PTPRT: variants seen among roughly 807,000 people sequenced by gnomAD.
The protein encoded by PTPRT is protein tyrosine phosphatase receptor type T.
A neutral mutation model predicts 176.8 loss-of-function variants in PTPRT; 56 were observed. The observed-to-expected ratio is 0.32, with a 90% CI of 0.26 to 0.40. The LOEUF (loss-of-function observed/expected upper bound fraction) is 0.40, where lower values mean the gene tolerates loss of function less well. Ranked by LOEUF, PTPRT falls within the 10% of genes least tolerant of loss-of-function variation. The pLI, the probability that PTPRT is intolerant of heterozygous loss-of-function variation, is 1.00. For missense variants in PTPRT, 1,540 were observed against 1,908.2 expected (o/e 0.81, Z 3.60); for synonymous variants, 783 against 739.0 (o/e 1.06, Z -0.96).
chr20:42,681,817 A>T (rs1192042319), intron 6 of PTPRT, among the ~76,000 whole-genome samples: 1 of 152,240 alleles, frequency 6.6e-6, no homozygotes, highest in Non-Finnish European at 1.5e-5. Context: ...GGATCCATAA[A>T]GGGATACACA....
chr20:42,091,224 T>C (rs1308727088), intron 27 of PTPRT, among the ~76,000 whole-genome samples: 1 of 152,242 alleles, frequency 6.6e-6, no homozygotes, highest in East Asian at 1.9e-4. Context: ...TTCCACCTAG[T>C]GCTCTCCATG....
At chr20:42,765,989 C>G (rs1255911277) in intron 5 of PTPRT, among the ~76,000 whole-genome samples, 10 of 152,036 alleles carry the variant, frequency 6.6e-5, no homozygotes, top group Non-Finnish European at 1.5e-4. Flanking sequence ...TAAATTTACT[C>G]ATTGGAAAAA....
chr20:42,796,395 A>G (rs531469389), intron 2 of PTPRT, among the ~76,000 whole-genome samples: 22 of 152,350 alleles, frequency 1.4e-4, no homozygotes, highest in African/African-American at 5.3e-4. Flanking sequence ...TGGATTACTT[A>G]CCAAAGCATA....
At chr20:43,001,658 A>G (rs980386150) in intron 1 of PTPRT, among the ~76,000 whole-genome samples, 19 of 152,126 alleles carry the variant, frequency 1.2e-4, no homozygotes, top group Non-Finnish European at 2.2e-4. Flanking sequence ...AGACAAAAAT[A>G]TACCAGGAAA....
chr20:42,203,853 T>G (rs1453240806), intron 15 of PTPRT, among the ~76,000 whole-genome samples: 1 of 151,968 alleles, frequency 6.6e-6, no homozygotes, highest in Non-Finnish European at 1.5e-5. Flanking sequence ...TCAGGGAGGG[T>G]TTTGGTGCCA....
intron 9 of PTPRT, among the ~76,000 whole-genome samples, chr20:42,388,676 G>A (rs1431204635): frequency 6.6e-6 from 1 of 152,244 alleles, no homozygotes; most frequent in East Asian, 1.9e-4. Context: ...ACACGTTGGT[G>A]GGACTGTAAA....
the PTPRT span, among the ~76,000 whole-genome samples, chr20:42,045,814 T>A: frequency 6.6e-6 from 1 of 152,126 alleles, no homozygotes. Flanking sequence ...CCAAAGCAAA[T>A]GTAGTTTCTT....
chr20:42,340,775 C>T (rs1245247123), intron 11 of PTPRT, among the ~76,000 whole-genome samples: 1 of 151,724 alleles, frequency 6.6e-6, no homozygotes, highest in African/African-American at 2.4e-5. Context: ...TGTGCAAGAT[C>T]TGAGACAAAG....
intron 6 of PTPRT, chr20:42,685,381 G>C (rs2075675082): frequency 6.6e-6 from 1 of 152,138 alleles, no homozygotes; most frequent in Admixed American, 6.6e-5. Context: ...CCTATGAGAT[G>C]GTTAGCTACC....
At chr20:42,371,958 T>C (rs2145601866) in intron 9 of PTPRT, among the ~76,000 whole-genome samples, 1 of 152,292 alleles carries the variant, frequency 6.6e-6, no homozygotes, top group East Asian at 1.9e-4. Flanking sequence ...CAGAATGTAG[T>C]CAGGACATCA....
chr20:42,771,999 TG>T (rs1180619353), intron 4 of PTPRT, among the ~76,000 whole-genome samples: 4 of 152,052 alleles, frequency 2.6e-5, no homozygotes, highest in African/African-American at 2.4e-5. Context: ...AAAGAAAAAT[TG>T]GGGGGCAGGA....
At chr20:43,083,256 G>A (rs1217714572) in intron 1 of PTPRT, among the ~76,000 whole-genome samples, 3 of 141,758 alleles carry the variant, frequency 2.1e-5, no homozygotes, top group Non-Finnish European at 4.6e-5. Context: ...TTCTATGAAT[G>A]CTATTATTTT....
intron 7 of PTPRT, among the ~76,000 whole-genome samples, chr20:42,595,645 C>T (rs1021223981): frequency 6.6e-6 from 1 of 152,144 alleles, no homozygotes; most frequent in African/African-American, 2.4e-5. Context: ...GCAGCCCCTA[C>T]CTAACAGATC....
chr20:42,415,418 C>A (rs1003395589), intron 9 of PTPRT, among the ~76,000 whole-genome samples: 3 of 151,994 alleles, frequency 2.0e-5, no homozygotes, highest in African/African-American at 4.8e-5. Flanking sequence ...CACTACACTG[C>A]CCAGGCTGCT....
At chr20:42,909,619 G>A (rs552320073) in intron 1 of PTPRT, among the ~76,000 whole-genome samples, 1 of 152,310 alleles carries the variant, frequency 6.6e-6, no homozygotes, top group East Asian at 1.9e-4. Flanking sequence ...GGCTCTGGCA[G>A]TGATGGATGT....
intron 11 of PTPRT, among the ~76,000 whole-genome samples, chr20:42,339,616 T>C (rs2058085429): frequency 6.6e-6 from 1 of 152,200 alleles, no homozygotes; most frequent in African/African-American, 2.4e-5. Flanking sequence ...CCAGTAGTAC[T>C]CAAGCGTGGT....
intron 1 of PTPRT, among the ~76,000 whole-genome samples, chr20:43,097,358 G>A (rs1600711287): frequency 6.6e-6 from 1 of 152,174 alleles, no homozygotes; most frequent in East Asian, 1.9e-4. Flanking sequence ...GAGTCATTGT[G>A]AGTACCTGCC....
chr20:42,099,542 T>TGGGTGGGG (rs1325217305), intron 26 of PTPRT, among the ~76,000 whole-genome samples: 13 of 8,698 alleles, frequency 1.5e-3, no homozygotes, highest in East Asian at 4.7e-3. Context: ...GAAAATGGCC[T>TGGGTGGGG]GGGCGGGGGG....
At chr20:42,059,211 G>A in the PTPRT span, among the ~76,000 whole-genome samples, 1 of 152,116 alleles carries the variant, frequency 6.6e-6, no homozygotes. Flanking sequence ...CTCCTGTCTT[G>A]CCCTTTAGAC....
Sources: gnomAD v4.1 joint callset for allele counts (sites outside exome capture counted in the v4.1 genomes callset) on GRCh38, gnomAD v4.1.1 for gene constraint, MANE v1.5 for transcripts, NCBI Gene and HGNC (gene_info 2026-07-23, HGNC 2026-07-21) for gene names.